Variants in FER1L5 observed in about 807,000 individuals in gnomAD.
FER1L5 encodes fer-1 like family member 5.
Under a neutral mutation model 279.9 loss-of-function variants are expected in FER1L5, and 187 were observed. The observed-to-expected ratio is 0.67, with a 90% CI of 0.59 to 0.75. The LOEUF (loss-of-function observed/expected upper bound fraction) is 0.75. Ranked by LOEUF, FER1L5 falls within the 30% of genes least tolerant of loss-of-function variation. The pLI is 0.00. For missense variants in FER1L5, 2,091 were observed against 2,594.4 expected, an observed-to-expected ratio of 0.81 and a Z score of 4.21; for synonymous variants, 921 against 989.7, an observed-to-expected ratio of 0.93 and a Z score of 1.30.
At chr2:96,678,303 T>A (rs1004256604) in intron 19 of FER1L5, among the ~76,000 whole-genome samples, 5 of 151,998 alleles carry the variant, frequency 3.3e-5, no homozygotes, top group African/African-American at 1.2e-4. Context: ...CTAGATTTTG[T>A]ATTTTTCGTA....
chr2:96,694,270 C>A lies in FER1L5; in HGVS notation c.3637-90C>A. The A allele has an allele frequency of 7.4e-7, 1 of 1,358,686 alleles. No individual in the cohort carries two copies. The highest frequency in any genetic ancestry group is 9.9e-7 in the Non-Finnish European group (1 of 1,014,478). 84.2% of individuals were successfully genotyped at this position (1,358,686 alleles called of 1,614,324 possible). On this transcript the variant is annotated intron_variant, in intron 33 of 52. Transcript: ENST00000624922. The surrounding 1 kb of genome is among the most constrained non-coding windows in gnomAD (Gnocchi z 4.6). ...CAGCCCCTACCCATGGGGCTCTGGGCTCGGTGAGGCCTCTGAGGGACCTGC... is the reference window on the plus strand; with the variant it reads ...CAGCCCCTACCCATGGGGCTCTGGGATCGGTGAGGCCTCTGAGGGACCTGC...
At chr2:96,696,353 C>A (rs1251571526) in intron 37 of FER1L5, among the ~76,000 whole-genome samples, 1 of 151,918 alleles carries the variant, frequency 6.6e-6, no homozygotes, top group Non-Finnish European at 1.5e-5. Flanking sequence ...AGTGCAGTGG[C>A]ACAATCTTGG....
chr2:96,696,176 G>T, intron 37 of FER1L5, 99 bp downstream of exon 37: 1 of 1,513,030 alleles, frequency 6.6e-7, no homozygotes. Flanking sequence ...GGATACCCGT[G>T]CCCAACTGTG....
chr2:96,699,835 T>C, intron 43 of FER1L5, 97 bp from the exon 44 acceptor site: 6 of 1,578,078 alleles, frequency 3.8e-6, no homozygotes, highest in Non-Finnish European at 5.2e-6. Flanking sequence ...ACCTGCCCAG[T>C]CTCCACCCAA....
At chr2:96,659,364 T>TCCTTCTTTC in intron 9 of FER1L5, among the ~76,000 whole-genome samples, 1 of 20,708 alleles carries the variant, frequency 4.8e-5, no homozygotes, top group South Asian at 4.4e-3. Context: ...CTTCCTTCCT[T>TCCTTCTTTC]CTTTCTTTCT....
In FER1L5 at chr2:96,694,275, T is replaced by C; in HGVS notation, c.3637-85T>C. On this transcript the variant is annotated intron_variant, in intron 33 of 52. Coordinates refer to ENST00000624922, the MANE Select transcript of FER1L5 (RefSeq NM_001293083.2). The surrounding 1 kb of genome is among the most constrained non-coding windows in gnomAD (Gnocchi z 4.6). ...CCTACCCATGGGGCTCTGGGCTCGG[T>C]GAGGCCTCTGAGGGACCTGCTTGAG... is the stretch of plus-strand genomic sequence containing the variant. 1 of 1,368,626 alleles carries C rather than the reference T, an allele frequency of 7.3e-7. No individual in the cohort carries two copies. The allele number at this position is 1,368,626 out of a possible 1,614,324, so 84.8% of individuals were successfully genotyped here.
chr2:96,691,249 G>A lies in FER1L5; in HGVS notation c.2803G>A (p.Glu935Lys). 1 of 1,550,420 alleles carries A rather than the reference G, an allele frequency of 6.4e-7. No homozygotes were observed. Among genetic ancestry groups the A allele is most frequent in the Non-Finnish European group, 8.7e-7 (1 of 1,146,872 alleles). Residue 935 changes from glutamate (E) to lysine (K), a missense_variant, in exon 28 of 53, where the codon GAG (glutamate) becomes AAG (lysine). Transcript: ENST00000624922. This position sits in a 1 kb window ranked among gnomAD's most constrained non-coding sequence, Gnocchi z 6.0. ...CCTGCCCCAGGTCTGGAGCCCGGTG[G>A]AGAAGACCTACCACTCGTGCCGCCG... ...SGLPQVWSPV[E>K]KTYHSCRRRR...
At chr2:96,673,005 G>A (rs1274224700) in intron 18 of FER1L5, 72 bp from the exon 19 acceptor site, 1 of 1,484,494 alleles carries the variant, frequency 6.7e-7, no homozygotes, top group Non-Finnish European at 9.0e-7. Context: ...CCTCATCCTT[G>A]CCTCCCTGCC....
chr2:96,692,734 G>A (rs978349051), intron 31 of FER1L5, among the ~76,000 whole-genome samples: 6 of 152,284 alleles, frequency 3.9e-5, no homozygotes, highest in Admixed American at 1.3e-4. Context: ...CAAGCCATGT[G>A]CTCCAGCCTG....
rs2077485214 is a variant in FER1L5 at position 96,698,909 on chromosome 2, C to T, written c.4518+77C>T. ...CATCTCTGGGAGCCCCCTCCGACTG[C>T]TGACACACAGAATGCCAACTCCCCA... On this transcript the variant is annotated intron_variant, in intron 41 of 52. Coordinates refer to ENST00000624922, the MANE Select transcript of FER1L5 (RefSeq NM_001293083.2). This position sits in a 1 kb window ranked among gnomAD's most constrained non-coding sequence, Gnocchi z 5.5. 2.0e-6 allele frequency: 3 copies of T among 1,534,062 alleles called. No individual in the cohort carries two copies. The highest frequency in any genetic ancestry group is 1.7e-4 in the Middle Eastern group (1 of 5,932).
chr2:96,659,365 C>CT (rs1257222383), intron 9 of FER1L5, among the ~76,000 whole-genome samples: 7 of 13,694 alleles, frequency 5.1e-4, no homozygotes, highest in African/African-American at 3.1e-3. Context: ...TTCCTTCCTT[C>CT]TTTCTTTCTT....
intron 9 of FER1L5, among the ~76,000 whole-genome samples, chr2:96,656,914 T>C (rs2106479165): frequency 6.6e-6 from 1 of 151,968 alleles, no homozygotes; most frequent in South Asian, 2.1e-4. Flanking sequence ...TGAACCAATT[T>C]GTTGGCAAAG....
At position 96,689,534 on chromosome 2, in the gene FER1L5, A is replaced by G. The variant is rs2077060694; in HGVS notation, c.2526-110A>G. 2 of 1,429,594 alleles carry G rather than the reference A, an allele frequency of 1.4e-6. No homozygotes were observed. The highest frequency in any genetic ancestry group is 2.2e-4 in the Middle Eastern group (1 of 4,462). The allele number at this position is 1,429,594 out of a possible 1,614,324, so 88.6% of individuals were successfully genotyped here. On this transcript the variant is annotated intron_variant, in intron 25 of 52. Coordinates refer to ENST00000624922, the MANE Select transcript of FER1L5 (RefSeq NM_001293083.2). This position sits in a 1 kb window ranked among gnomAD's most constrained non-coding sequence, Gnocchi z 4.6. ...CCCTGCCCACCACCCTGTCCTGCCC[A>G]GAGCAGGTGGGGATGGGATGCCAGG...
intron 51 of FER1L5, 78 bp from the exon 52 acceptor site, chr2:96,704,137 A>G: frequency 6.4e-7 from 1 of 1,551,742 alleles, no homozygotes; most frequent in Non-Finnish European, 8.7e-7. Flanking sequence ...TTTTTAAAAA[A>G]GAAAGCTCTT....
chr2:96,696,954 G>A lies in FER1L5; in HGVS notation c.4084-572G>A, dbSNP rs143579571. ...GACAGGGATCTTGCTATGTTGCCCA[G>A]GCTGTTCTTGAACTCCTTAGCTCAA... On this transcript the variant is annotated intron_variant, in intron 37 of 52. Coordinates refer to ENST00000624922, the MANE Select transcript of FER1L5 (RefSeq NM_001293083.2). 5.6e-4 allele frequency among the ~76,000 whole-genome samples: 85 copies of A among 152,206 alleles called. 1 individual carries two copies. In the East Asian group the frequency reaches 0.012, roughly 21 times the overall value.
At chr2:96,668,729 A>C (rs1378397349) in intron 14 of FER1L5, 22 bp from the exon 15 acceptor site, 1 of 1,550,970 alleles carries the variant, frequency 6.4e-7, no homozygotes, top group East Asian at 2.4e-5. Context: ...TACCCACCGC[A>C]CCTCTCTCCT....
chr2:96,700,480 C>T lies in FER1L5; in HGVS notation c.5070+9C>T, dbSNP rs1273490781. 7 of 1,612,708 alleles carry T rather than the reference C, an allele frequency of 4.3e-6. No individual in the cohort carries two copies. In the East Asian group the frequency reaches 1.6e-4, roughly 36 times the overall value. On this transcript the variant is annotated intron_variant, in intron 45 of 52. Coordinates refer to ENST00000624922, the MANE Select transcript of FER1L5 (RefSeq NM_001293083.2). ...AGCCAGGCATCGACCAGGTATGAGA[C>T]TGGAGGGGCCACTCCTGGCTCCTAC...
At chr2:96,693,378 G>A in intron 31 of FER1L5, 128 bp from the exon 32 acceptor site, 1 of 874,796 alleles carries the variant, frequency 1.1e-6, no homozygotes, top group East Asian at 2.7e-5. Context: ...GGGGCCTCTG[G>A]GAGGCCTCAG....
intron 13 of FER1L5, 24 bp downstream of exon 13, chr2:96,662,291 C>T (rs1280809690): frequency 1.2e-5 from 18 of 1,549,886 alleles, no homozygotes; most frequent in Middle Eastern, 3.3e-4. Context: ...TATTCTGAGA[C>T]CCAGAGAGAT....
Sources: allele counts gnomAD v4.1 joint callset (sites outside exome capture counted in the v4.1 genomes callset), GRCh38; gene constraint gnomAD v4.1.1; non-coding constraint Gnocchi (gnomAD v3.1); transcripts MANE v1.5; gene names NCBI Gene and HGNC (gene_info 2026-07-23, HGNC 2026-07-21).